RUNX1: variants seen among roughly 807,000 people sequenced by gnomAD.
RUNX1 encodes RUNX family transcription factor 1, also known as runt-related transcription factor 1.
RUNX1 carries 19 observed loss-of-function variants against 42.8 expected under a neutral mutation model. The observed-to-expected ratio is 0.44, with a 90% CI of 0.31 to 0.65. The LOEUF (loss-of-function observed/expected upper bound fraction) is 0.65, where lower values mean the gene tolerates loss of function less well. Ranked by LOEUF, RUNX1 falls within the 30% of genes least tolerant of loss-of-function variation. The pLI, the probability that RUNX1 is intolerant of heterozygous loss-of-function variation, is 0.07. For synonymous variants in RUNX1, 271 were observed against 289.4 expected, an observed-to-expected ratio of 0.94 and a Z score of 0.64; for missense variants, 528 against 672.0, an observed-to-expected ratio of 0.79 and a Z score of 2.37.
At chr21:34,982,938 T>C (rs551494213) in intron 2 of RUNX1, among the ~76,000 whole-genome samples, 3 of 152,210 alleles carry the variant, frequency 2.0e-5, no homozygotes, top group Non-Finnish European at 4.4e-5. Flanking sequence ...AACCGTTAGG[T>C]GGTAGAACCA....
intron 2 of RUNX1, among the ~76,000 whole-genome samples, chr21:34,941,518 C>G (rs928718680): frequency 1.3e-5 from 2 of 152,200 alleles, no homozygotes; most frequent in African/African-American, 4.8e-5. Context: ...AAACATGGGA[C>G]CAAAGAAACA....
chr21:34,912,068 G>A (rs2146526039), intron 2 of RUNX1, among the ~76,000 whole-genome samples: 1 of 151,756 alleles, frequency 6.6e-6, no homozygotes, highest in East Asian at 1.9e-4. Flanking sequence ...AGTGGATGGA[G>A]TGAAGGATAA....
intron 2 of RUNX1, among the ~76,000 whole-genome samples, chr21:35,014,172 C>T (rs2059143878): frequency 6.6e-6 from 1 of 152,080 alleles, no homozygotes; most frequent in Admixed American, 6.6e-5. Flanking sequence ...AAATTAATAT[C>T]TTAGTTATCT....
chr21:34,971,149 G>C lies in RUNX1; in HGVS notation c.58+77693C>G, dbSNP rs1601622104. Among the ~76,000 whole-genome samples, 3 of 152,278 alleles carry C rather than the reference G, an allele frequency of 2.0e-5. No homozygotes were observed. In the South Asian group the frequency reaches 6.2e-4, roughly 32 times the overall value. On this transcript the variant is annotated intron_variant, in intron 2 of 8. Transcript: ENST00000675419. ...GTATACTATGCTGTGCTTATCTACAGTTTGAATTGACTTATTAGTATTAGG... is the reference window on the plus strand; with the variant it reads ...GTATACTATGCTGTGCTTATCTACACTTTGAATTGACTTATTAGTATTAGG...
chr21:34,942,447 A>G (rs969199284), intron 2 of RUNX1, among the ~76,000 whole-genome samples: 2 of 152,190 alleles, frequency 1.3e-5, no homozygotes, highest in Non-Finnish European at 2.9e-5. Context: ...CTTGACCGTC[A>G]TTCACCATTT....
At chr21:34,887,382 G>A (rs1386453618) in intron 3 of RUNX1, 10 of 1,412,022 alleles carry the variant, frequency 7.1e-6, no homozygotes, top group Non-Finnish European at 9.2e-6. Flanking sequence ...ATTAAAAAGT[G>A]GAGACTATCT....
chr21:35,047,958 A>G (rs2059412874), intron 2 of RUNX1, among the ~76,000 whole-genome samples: 1 of 152,162 alleles, frequency 6.6e-6, no homozygotes, highest in South Asian at 2.1e-4. Context: ...CACAAGACGC[A>G]CATGCACACA....
At chr21:34,969,754 AT>A (rs1601620887) in intron 2 of RUNX1, among the ~76,000 whole-genome samples, 2 of 151,062 alleles carry the variant, frequency 1.3e-5, no homozygotes, top group East Asian at 3.9e-4. Context: ...ACAGCGCTTT[AT>A]CAGTTAAAGC....
chr21:34,859,654 AT>A, intron 5 of RUNX1, 76 bp from the exon 6 acceptor site: 1 of 1,175,800 alleles, frequency 8.5e-7, no homozygotes, highest in Non-Finnish European at 1.3e-6. Context: ...CCAATCATTA[AT>A]TTATGCTGTC....
chr21:34,850,835 A>G (rs2057407728), intron 6 of RUNX1, among the ~76,000 whole-genome samples: 1 of 152,212 alleles, frequency 6.6e-6, no homozygotes, highest in Non-Finnish European at 1.5e-5. Context: ...AACTTCATGA[A>G]TTTTTAAATT....
At chr21:34,959,077 C>T (rs1254887086) in intron 2 of RUNX1, among the ~76,000 whole-genome samples, 3 of 151,638 alleles carry the variant, frequency 2.0e-5, no homozygotes, top group South Asian at 2.1e-4. Context: ...GGAGGGATAG[C>T]ATTAGGAGAT....
At chr21:34,899,562 T>C (rs941098891) in intron 2 of RUNX1, among the ~76,000 whole-genome samples, 1 of 152,224 alleles carries the variant, frequency 6.6e-6, no homozygotes, top group Non-Finnish European at 1.5e-5. Flanking sequence ...CAGCCTGAGC[T>C]GACCAAGACA....
At chr21:34,813,277 C>A (rs889900320) in intron 7 of RUNX1, among the ~76,000 whole-genome samples, 2 of 152,136 alleles carry the variant, frequency 1.3e-5, no homozygotes, top group African/African-American at 4.8e-5. Context: ...CAAGCGTGCC[C>A]TAAAGTGTCA....
chr21:34,968,514 G>A (rs568195442), intron 2 of RUNX1, among the ~76,000 whole-genome samples: 112 of 152,114 alleles, frequency 7.4e-4, no homozygotes, highest in Admixed American at 1.8e-3. Flanking sequence ...CTACCTTACC[G>A]CTCCTCAGTG....
At chr21:35,046,191 G>A (rs2059394920) in intron 2 of RUNX1, among the ~76,000 whole-genome samples, 1 of 152,142 alleles carries the variant, frequency 6.6e-6, no homozygotes, top group Non-Finnish European at 1.5e-5. Context: ...ACCTGGTGTG[G>A]TGTGATAGAA....
At chr21:34,966,242 G>A (rs1234516976) in intron 2 of RUNX1, among the ~76,000 whole-genome samples, 6 of 152,142 alleles carry the variant, frequency 3.9e-5, no homozygotes, top group African/African-American at 9.7e-5. Context: ...AAGTCCAAAC[G>A]TTGTTCTTTA....
intron 2 of RUNX1, among the ~76,000 whole-genome samples, chr21:34,926,091 C>T (rs2058391002): frequency 1.3e-5 from 2 of 151,648 alleles, no homozygotes; most frequent in Admixed American, 1.3e-4. Flanking sequence ...TTTTGATTAA[C>T]CTTTTGCTTT....
chr21:34,800,791 T>C (rs1483985819), intron 7 of RUNX1, among the ~76,000 whole-genome samples: 4 of 152,180 alleles, frequency 2.6e-5, no homozygotes, highest in African/African-American at 4.8e-5. Context: ...TTCTTTCTTT[T>C]TTGTGTGTGA....
intron 2 of RUNX1, among the ~76,000 whole-genome samples, chr21:34,996,007 A>C (rs2058992548): frequency 6.6e-6 from 1 of 152,180 alleles, no homozygotes; most frequent in East Asian, 1.9e-4. Context: ...TTTGCTTTTC[A>C]GAATTTTGAA....
Sources: allele counts gnomAD v4.1 joint callset (sites outside exome capture counted in the v4.1 genomes callset), GRCh38; gene constraint gnomAD v4.1.1; transcripts MANE v1.5; gene names NCBI Gene and HGNC (gene_info 2026-07-23, HGNC 2026-07-21).